Variants in LRIT3 observed in about 807,000 individuals in gnomAD.
LRIT3 encodes the protein leucine-rich repeat, immunoglobulin-like domain and transmembrane domain-containing protein 3.
Under a neutral mutation model 22.6 loss-of-function variants are expected in LRIT3, and 14 were observed. That is an observed-to-expected ratio of 0.62 (90% CI 0.41 to 0.97). The LOEUF (loss-of-function observed/expected upper bound fraction) is 0.97, where lower values mean the gene tolerates loss of function less well. Among genes scored for constraint, LRIT3 ranks in the 50% least tolerant of loss-of-function variants. The pLI, the probability that LRIT3 is intolerant of heterozygous loss-of-function variation, is 0.00. For synonymous variants in LRIT3, 306 were observed against 304.5 expected (o/e 1.01, Z -0.05); for missense variants, 783 against 803.0 (o/e 0.98, Z 0.30).
Position 109,870,873 on chromosome 4 carries a change from G to A in LRIT3, c.*84G>A, listed in dbSNP as rs1359563498. 1.5e-6 allele frequency: 2 copies of A among 1,362,462 alleles called. No individual in the cohort carries two copies. The highest frequency in any genetic ancestry group is 1.5e-5 in the African/African-American group (1 of 68,838). 84.4% of individuals were successfully genotyped at this position (1,362,462 alleles called of 1,614,324 possible). A position where few individuals can be genotyped will look rare whatever the true frequency, so the allele number is the denominator to read the frequency against. On this transcript the variant is annotated 3_prime_UTR_variant, in exon 4 of 4. Coordinates refer to ENST00000594814, the MANE Select transcript of LRIT3 (RefSeq NM_198506.5). The stretch of plus-strand genomic sequence containing the variant: ...CCTAGGTTTGGATGACTTTTGGACA[G>A]ACTTTCACATTGTACATGAAAATCA...
In LRIT3 at chr4:109,851,488, C is replaced by G. The variant is rs895848395; in HGVS notation, c.117-16C>G. ...GGAAAGTGAGTTTCCTCACATTGTT[C>G]ATGTTGTGACACTAGGTTGGTGCTA... On this transcript the variant is annotated splice_polypyrimidine_tract_variant and intron_variant, in intron 1 of 3. Transcript: ENST00000594814. 3 of 1,496,678 alleles carry G rather than the reference C, an allele frequency of 2.0e-6. No individual in the cohort carries two copies. The highest frequency in any genetic ancestry group is 1.8e-6 in the Non-Finnish European group (2 of 1,121,724). 92.7% of individuals were successfully genotyped at this position (1,496,678 alleles called of 1,614,324 possible).
At chr4:109,867,564 C>CA in intron 2 of LRIT3, 77 bp from the exon 3 acceptor site, 1 of 1,332,842 alleles carries the variant, frequency 7.5e-7, no homozygotes, top group Non-Finnish European at 1.0e-6. Context: ...GTGTAGATCC[C>CA]TACTTTCTCA....
At chr4:109,851,424 C>T in intron 1 of LRIT3, 80 bp from the exon 2 acceptor site, 1 of 1,458,444 alleles carries the variant, frequency 6.9e-7, no homozygotes, top group Non-Finnish European at 9.0e-7. Flanking sequence ...AAAATTGATA[C>T]ATTTTTCAAA....
In LRIT3 at chr4:109,863,283, G is replaced by T. The variant is rs557972018; in HGVS notation, c.590-4358G>T. On this transcript the variant is annotated intron_variant, in intron 2 of 3. Coordinates refer to ENST00000594814, the MANE Select transcript of LRIT3 (RefSeq NM_198506.5). ...GGTGGGTGGTTAAAACCTTTAACCAGCATGGTGGTTTAAGATCAGGATACT... is the reference window on the plus strand; with the variant it reads ...GGTGGGTGGTTAAAACCTTTAACCATCATGGTGGTTTAAGATCAGGATACT... Among the ~76,000 whole-genome samples, 3 of 152,320 alleles carry T rather than the reference G, an allele frequency of 2.0e-5. No homozygotes were observed. The East Asian group carries it at 5.8e-4, about 29-fold the overall frequency.
intron 2 of LRIT3, among the ~76,000 whole-genome samples, chr4:109,852,978 A>C (rs898710438): frequency 4.6e-5 from 7 of 152,170 alleles, no homozygotes; most frequent in Non-Finnish European, 8.8e-5. Flanking sequence ...TTCTTTATGC[A>C]GTCTATCACT....
Position 109,870,933 on chromosome 4 carries a change from C to A in LRIT3, c.*144C>A. The A allele has an allele frequency of 1.3e-6, 1 of 751,792 alleles. No individual in the cohort carries two copies. Among genetic ancestry groups the A allele is most frequent in the Non-Finnish European group, 2.0e-6 (1 of 509,640 alleles). 46.6% of individuals were successfully genotyped at this position (751,792 alleles called of 1,614,324 possible). ...TGCTTTTAAGTATGTTTAAAAAATA[C>A]CATGAGACCTCTGAACTGAAAAGAC... On this transcript the variant is annotated 3_prime_UTR_variant, in exon 4 of 4. Transcript: ENST00000594814.
At chr4:109,850,777 G>A (rs1434587270) in intron 1 of LRIT3, among the ~76,000 whole-genome samples, 1 of 151,772 alleles carries the variant, frequency 6.6e-6, no homozygotes, top group Admixed American at 6.6e-5. Context: ...TTGCCCAGCT[G>A]GGACATTGCC....
rs376753294 is a variant in LRIT3 at position 109,870,682 on chromosome 4, C to T, written c.1933C>T (p.Arg645Ter). ...TCAAAGTGTAGGTGAGCTCTGGACACGAAGCCACAGGGATGACTCAGAGAA... is the reference window on the plus strand; with the variant it reads ...TCAAAGTGTAGGTGAGCTCTGGACATGAAGCCACAGGGATGACTCAGAGAA... ...RSQSVGELWT[R>*]SHRDDSEKLL... The change falls in exon 4 of 4, where the codon CGA becomes TGA. Residue 645 changes from arginine (R) to a stop codon, truncating the protein, a stop_gained. Coordinates refer to ENST00000594814, the MANE Select transcript of LRIT3 (RefSeq NM_198506.5). LOFTEE classifies it low-confidence loss of function (END_TRUNC). 2.4e-5 allele frequency: 39 copies of T among 1,613,972 alleles called. No individual in the cohort carries two copies. In the African/African-American group the frequency reaches 3.9e-4, roughly 16 times the overall value.
intron 3 of LRIT3, among the ~76,000 whole-genome samples, chr4:109,868,361 A>G (rs1734737197): frequency 6.6e-6 from 1 of 152,166 alleles, no homozygotes; most frequent in Non-Finnish European, 1.5e-5. Flanking sequence ...ACCTGAGGTC[A>G]GGAGTTTGAG....
At chr4:109,857,326 G>A (rs187067735) in intron 2 of LRIT3, among the ~76,000 whole-genome samples, 27 of 149,824 alleles carry the variant, frequency 1.8e-4, no homozygotes. Context: ...AGCAACAGGG[G>A]GGTATAAGTC....
At chr4:109,851,291 G>A (rs1473833140) in intron 1 of LRIT3, 4 of 566,562 alleles carry the variant, frequency 7.1e-6, no homozygotes, top group South Asian at 4.7e-5. Context: ...TGAGACACTG[G>A]TGAAGTGGTT....
At chr4:109,858,423 A>AT (rs1435186752) in intron 2 of LRIT3, among the ~76,000 whole-genome samples, 2 of 151,770 alleles carry the variant, frequency 1.3e-5, no homozygotes, top group Non-Finnish European at 2.9e-5. Flanking sequence ...CTGCTGTGGC[A>AT]TTTTTTCAGC....
intron 2 of LRIT3, among the ~76,000 whole-genome samples, chr4:109,863,344 T>C (rs1734595770): frequency 6.6e-6 from 1 of 152,160 alleles, no homozygotes; most frequent in Non-Finnish European, 1.5e-5. Context: ...TGTGTGACCC[T>C]GGGCAGATTC....
chr4:109,864,296 T>C (rs1008829447), intron 2 of LRIT3, among the ~76,000 whole-genome samples: 2 of 152,196 alleles, frequency 1.3e-5, no homozygotes, highest in Non-Finnish European at 2.9e-5. Flanking sequence ...TCCCCTTTCC[T>C]CCTCTTAGGC....
At chr4:109,868,223 T>C (rs1027197288) in intron 3 of LRIT3, among the ~76,000 whole-genome samples, 2 of 152,156 alleles carry the variant, frequency 1.3e-5, no homozygotes, top group Non-Finnish European at 2.9e-5. Flanking sequence ...TCTTGCTTCA[T>C]CAACTTGGAT....
chr4:109,869,716 G>C lies in LRIT3; in HGVS notation c.967G>C (p.Ala323Pro), dbSNP rs373408851. ...MSLTGISSKDAGDYKCKAKNL... is the reference protein window; with the variant it reads ...MSLTGISSKDPGDYKCKAKNL... Reference sequence around the variant, plus strand: ...CTTGACAGGCATTTCTTCCAAAGACGCTGGGGATTACAAATGTAAGGCCAA... The same window carrying C: ...CTTGACAGGCATTTCTTCCAAAGACCCTGGGGATTACAAATGTAAGGCCAA... Residue 323 changes from alanine (A) to proline (P), a missense_variant, in exon 4 of 4, where the codon GCT becomes CCT. Physicochemically the swap from Ala to Pro is conservative, Grantham distance 27 (BLOSUM62 -1). This residue lies in a region of LRIT3 where 756 missense variants were observed against 753.8 expected (regional missense o/e 1.00). Coordinates refer to ENST00000594814, the MANE Select transcript of LRIT3 (RefSeq NM_198506.5). 2.5e-6 allele frequency: 4 copies of C among 1,609,540 alleles called. No homozygotes were observed. Among genetic ancestry groups the C allele is most frequent in the Non-Finnish European group, 3.4e-6 (4 of 1,177,398 alleles).
chr4:109,849,068 T>G (rs1734145983), intron 1 of LRIT3, among the ~76,000 whole-genome samples: 1 of 152,206 alleles, frequency 6.6e-6, no homozygotes, highest in African/African-American at 2.4e-5. Context: ...ATCAGGTTAT[T>G]TGTGACTTGG....
At chr4:109,869,589 T>C (rs1424636799) in intron 3 of LRIT3, 56 bp from the exon 4 acceptor site, 3 of 1,486,012 alleles carry the variant, frequency 2.0e-6, no homozygotes, top group Non-Finnish European at 1.8e-6. Flanking sequence ...TCAGTTGGCA[T>C]GGTGGCTTGA....
At position 109,870,724 on chromosome 4, in the gene LRIT3, A is replaced by C. The variant is rs1734815460; in HGVS notation, c.1975A>C (p.Arg659=). 2 of 1,613,964 alleles carry C rather than the reference A, an allele frequency of 1.2e-6. No homozygotes were observed. Among genetic ancestry groups the C allele is most frequent in the African/African-American group, 1.3e-5 (1 of 75,062 alleles). ...CTCAGAGAAATTGCTGCTTTGTTCT[A>C]GGTCAAGTGTGGAATCTCAGGTGAC... The part of the protein sequence containing the change: ...DDSEKLLLCS[R]SSVESQVTFK... Residue 659 remains arginine (R), a synonymous_variant, in exon 4 of 4, where the codon AGG becomes CGG. Coordinates refer to ENST00000594814, the MANE Select transcript of LRIT3 (RefSeq NM_198506.5).
Sources: allele counts gnomAD v4.1 joint callset (sites outside exome capture counted in the v4.1 genomes callset), GRCh38; gene constraint gnomAD v4.1.1; regional missense constraint gnomAD v4.1.1; transcripts MANE v1.5; gene names NCBI Gene and HGNC (gene_info 2026-07-23, HGNC 2026-07-21).